The following LAMA2 variants were observed in gnomAD, a reference collection of about 807,000 sequenced individuals.
LAMA2 encodes laminin subunit alpha-2.
A neutral mutation model predicts 364.8 loss-of-function variants in LAMA2; 269 were observed. That is an observed-to-expected ratio of 0.74 (90% CI 0.67 to 0.82). The LOEUF (loss-of-function observed/expected upper bound fraction) is 0.82, where lower values mean the gene tolerates loss of function less well. Ranked by LOEUF, LAMA2 falls within the 40% of genes least tolerant of loss-of-function variation. LAMA2 has a pLI of 0.00. For missense variants in LAMA2, 3,807 were observed against 3,873.2 expected (o/e 0.98, Z 0.45); for synonymous variants, 1,379 against 1,370.6 (o/e 1.01, Z -0.14).
At chr6:129,130,988 C>G (rs1777439784) in intron 4 of LAMA2, among the ~76,000 whole-genome samples, 1 of 152,154 alleles carries the variant, frequency 6.6e-6, no homozygotes, top group Non-Finnish European at 1.5e-5. Flanking sequence ...TTCCTAATTA[C>G]ACTCCCTTTT....
chr6:129,364,840 A>G (rs1482967698), intron 32 of LAMA2, among the ~76,000 whole-genome samples: 2 of 152,222 alleles, frequency 1.3e-5, no homozygotes, highest in Non-Finnish European at 2.9e-5. Flanking sequence ...CTGTACAGGA[A>G]GCATGGCTGG....
intron 48 of LAMA2, among the ~76,000 whole-genome samples, chr6:129,459,274 A>G (rs1182056809): frequency 6.6e-6 from 1 of 152,138 alleles, no homozygotes; most frequent in Non-Finnish European, 1.5e-5. Flanking sequence ...ATACAGTATT[A>G]TAATTTTATG....
At chr6:128,954,020 CTCT>C (rs1381639822) in intron 1 of LAMA2, among the ~76,000 whole-genome samples, 2 of 152,134 alleles carry the variant, frequency 1.3e-5, no homozygotes, top group African/African-American at 2.4e-5. Context: ...TTCATTTCAT[CTCT>C]TCTTCTTTAG....
intron 28 of LAMA2, among the ~76,000 whole-genome samples, chr6:129,321,173 T>A (rs2114515172): frequency 6.6e-6 from 1 of 152,318 alleles, no homozygotes; most frequent in South Asian, 2.1e-4. Context: ...AAAGTAATTT[T>A]AAAACTGCTT....
chr6:129,072,696 C>A (rs960172994), intron 3 of LAMA2, among the ~76,000 whole-genome samples: 2 of 151,860 alleles, frequency 1.3e-5, no homozygotes, highest in African/African-American at 4.8e-5. Context: ...TCCATTTCTT[C>A]TTTCATTAGC....
At chr6:129,242,223 T>C (rs1275782828) in intron 12 of LAMA2, among the ~76,000 whole-genome samples, 2 of 152,126 alleles carry the variant, frequency 1.3e-5, no homozygotes, top group Admixed American at 1.3e-4. Context: ...CCATCTACTG[T>C]CCAACATGAT....
chr6:128,973,238 T>C (rs1289760134), intron 1 of LAMA2, among the ~76,000 whole-genome samples: 8 of 152,194 alleles, frequency 5.3e-5, no homozygotes. Flanking sequence ...CCCAGGACAT[T>C]AGAGCTCATT....
chr6:129,200,405 CACATAT>C (rs1269911155), intron 12 of LAMA2, among the ~76,000 whole-genome samples: 3 of 143,864 alleles, frequency 2.1e-5, no homozygotes, highest in Admixed American at 1.4e-4. Flanking sequence ...TATACATGTA[CACATAT>C]ACATATACGT....
At chr6:129,390,580 G>A (rs1779263488) in intron 35 of LAMA2, among the ~76,000 whole-genome samples, 1 of 151,496 alleles carries the variant, frequency 6.6e-6, no homozygotes, top group African/African-American at 2.4e-5. Flanking sequence ...ATAGAAATAA[G>A]TATTCAGCTG....
At position 129,051,834 on chromosome 6, in the gene LAMA2, T is replaced by A. The variant is rs548051847; in HGVS notation, c.283+1746T>A. 2.0e-4 allele frequency among the ~76,000 whole-genome samples: 30 copies of A among 151,934 alleles called. No homozygotes were observed. The South Asian group carries it at 2.1e-3, about 11-fold the overall frequency. On this transcript the variant is annotated intron_variant, in intron 2 of 64. Transcript: ENST00000421865. The stretch of plus-strand genomic sequence containing the variant: ...AAACCACCATTGGTTCAGAGACTGG[T>A]GGCCTTGAAAATTTCATGAAGAATA...
At chr6:129,083,993 T>G (rs1241150481) in intron 3 of LAMA2, among the ~76,000 whole-genome samples, 3 of 152,296 alleles carry the variant, frequency 2.0e-5, no homozygotes, top group Admixed American at 6.5e-5. Flanking sequence ...CCTGTTCAAA[T>G]TTTTCTTTAC....
chr6:129,232,153 T>C (rs952402228), intron 12 of LAMA2, among the ~76,000 whole-genome samples: 5 of 152,276 alleles, frequency 3.3e-5, no homozygotes, highest in Admixed American at 3.3e-4. Flanking sequence ...ATACAGCATA[T>C]GTACAATATG....
chr6:129,312,819 A>C, intron 22 of LAMA2, 42 bp from the exon 23 acceptor site: 1 of 1,343,528 alleles, frequency 7.4e-7, no homozygotes, highest in South Asian at 1.2e-5. Flanking sequence ...GATATTTCCC[A>C]TAAAGTTGTG....
intron 49 of LAMA2, among the ~76,000 whole-genome samples, chr6:129,464,014 A>C (rs1783402286): frequency 6.6e-6 from 1 of 151,950 alleles, no homozygotes; most frequent in Non-Finnish European, 1.5e-5. Flanking sequence ...TTAAGCATCA[A>C]TATAACTATC....
At chr6:129,465,441 A>G in intron 51 of LAMA2, 152 bp downstream of exon 51, 1 of 700,430 alleles carries the variant, frequency 1.4e-6, no homozygotes, top group East Asian at 2.7e-5. Context: ...CTTAGATTAT[A>G]GGTGATTTGG....
At chr6:129,100,222 A>G (rs532968717) in intron 4 of LAMA2, among the ~76,000 whole-genome samples, 9 of 152,198 alleles carry the variant, frequency 5.9e-5, no homozygotes, top group Non-Finnish European at 1.0e-4. Context: ...CATGTTTATT[A>G]GTTAATTAGT....
At chr6:128,918,950 G>C (rs1051044652) in intron 1 of LAMA2, among the ~76,000 whole-genome samples, 1 of 152,182 alleles carries the variant, frequency 6.6e-6, no homozygotes, top group African/African-American at 2.4e-5. Context: ...ATGTATCAAC[G>C]TAGGTAATAT....
At chr6:129,220,066 G>A (rs549965398) in intron 12 of LAMA2, among the ~76,000 whole-genome samples, 113 of 152,244 alleles carry the variant, frequency 7.4e-4, no homozygotes, top group African/African-American at 2.6e-3. Flanking sequence ...ACCAGCTCAA[G>A]ATGTTTTGAG....
chr6:129,238,554 CAT>C (rs1785163509), intron 12 of LAMA2, among the ~76,000 whole-genome samples: 16 of 109,494 alleles, frequency 1.5e-4, no homozygotes, highest in Admixed American at 6.5e-4. Context: ...TGAGCGTGTT[CAT>C]GTGTGTGTGT....
Sources: gnomAD v4.1 joint callset for allele counts (sites outside exome capture counted in the v4.1 genomes callset) on GRCh38, gnomAD v4.1.1 for gene constraint, MANE v1.5 for transcripts, NCBI Gene and HGNC (gene_info 2026-07-23, HGNC 2026-07-21) for gene names.